The following WWOX variants were observed in gnomAD, a reference collection of about 807,000 sequenced individuals.
WWOX encodes the protein WW domain-containing oxidoreductase.
A neutral mutation model predicts 46.2 loss-of-function variants in WWOX; 69 were observed. The observed-to-expected ratio is 1.49, with a 90% CI of 1.23 to 1.82. The LOEUF (loss-of-function observed/expected upper bound fraction) is 1.82. WWOX is among the 40% of genes most tolerant of loss of function. The probability of loss-of-function intolerance (pLI) is 0.00; values close to 1 mark genes in which losing one functional copy is unlikely to be tolerated. For missense variants in WWOX, 919 were observed against 542.6 expected (o/e 1.69, Z -6.89); for synonymous variants, 359 against 202.6 (o/e 1.77, Z -6.56).
chr16:78,699,628 C>A (rs900531410), intron 8 of WWOX, among the ~76,000 whole-genome samples: 15 of 152,116 alleles, frequency 9.9e-5, no homozygotes, highest in Non-Finnish European at 1.9e-4. Flanking sequence ...TTTGGTTAAT[C>A]AATGATTATC....
chr16:78,291,469 A>G lies in WWOX; in HGVS notation c.517-95391A>G, dbSNP rs1445816613. ...TGAACTAAGTTATGTTTCTGTCGTT[A>G]TAACTGAGCTGGCTGGCGGCTGCCA... On this transcript the variant is annotated intron_variant, in intron 5 of 8. Transcript: ENST00000566780. Among the ~76,000 whole-genome samples, 3 of 152,212 alleles carry G rather than the reference A, an allele frequency of 2.0e-5. No homozygotes were observed. The East Asian group carries it at 5.8e-4, about 29-fold the overall frequency.
chr16:79,110,412 C>A (rs750238499), intron 8 of WWOX, among the ~76,000 whole-genome samples: 1 of 152,116 alleles, frequency 6.6e-6, no homozygotes, highest in Non-Finnish European at 1.5e-5. Context: ...GAGCTCTGAG[C>A]CCAAGGAGCA....
chr16:78,985,157 G>C (rs2046760390), intron 8 of WWOX, among the ~76,000 whole-genome samples: 2 of 152,218 alleles, frequency 1.3e-5, no homozygotes, highest in Admixed American at 6.5e-5. Flanking sequence ...CCCAGCAGCA[G>C]AGGCTGCCAT....
chr16:78,430,601 T>G (rs181212692), intron 7 of WWOX, among the ~76,000 whole-genome samples: 1 of 152,126 alleles, frequency 6.6e-6, no homozygotes, highest in Non-Finnish European at 1.5e-5. Flanking sequence ...GGCCGTCATA[T>G]ATTTTCAAAT....
chr16:78,197,070 C>A (rs7197976), intron 5 of WWOX, among the ~76,000 whole-genome samples: 1 of 152,204 alleles, frequency 6.6e-6, no homozygotes, highest in Non-Finnish European at 1.5e-5. Context: ...TGAGAGCCAG[C>A]TCTGCACCAG....
chr16:78,437,707 G>C (rs1046067960), intron 8 of WWOX, among the ~76,000 whole-genome samples: 6 of 152,144 alleles, frequency 3.9e-5, no homozygotes, highest in African/African-American at 9.7e-5. Flanking sequence ...TTATTTTTAA[G>C]TGTCGTTCTA....
chr16:78,404,958 A>T (rs570333822), intron 6 of WWOX, among the ~76,000 whole-genome samples: 1 of 152,198 alleles, frequency 6.6e-6, no homozygotes, highest in Non-Finnish European at 1.5e-5. Context: ...TTGGGGCACA[A>T]TTATCAAATG....
chr16:78,192,230 C>G (rs930807760), intron 5 of WWOX, among the ~76,000 whole-genome samples: 4 of 152,088 alleles, frequency 2.6e-5, no homozygotes, highest in African/African-American at 9.7e-5. Flanking sequence ...TACGGTGGCT[C>G]ATGCCTGTAA....
chr16:78,374,611 C>A (rs1037651987), intron 5 of WWOX, among the ~76,000 whole-genome samples: 1 of 137,340 alleles, frequency 7.3e-6, no homozygotes, highest in African/African-American at 2.8e-5. Context: ...TGCAGTGGCG[C>A]GATCTTGGCT....
At chr16:78,423,096 A>G (rs1051016203) in intron 6 of WWOX, among the ~76,000 whole-genome samples, 2 of 151,700 alleles carry the variant, frequency 1.3e-5, no homozygotes, top group African/African-American at 4.8e-5. Flanking sequence ...CATGTTGGTC[A>G]GGCTGGTCTT....
intron 8 of WWOX, among the ~76,000 whole-genome samples, chr16:78,942,942 T>C (rs1285059593): frequency 2.6e-5 from 4 of 152,178 alleles, no homozygotes; most frequent in African/African-American, 9.7e-5. Flanking sequence ...AAATAAGATA[T>C]TCATTTGCAA....
intron 8 of WWOX, among the ~76,000 whole-genome samples, chr16:78,631,602 G>A (rs143215078): frequency 1.3e-5 from 2 of 148,448 alleles, no homozygotes; most frequent in African/African-American, 4.9e-5. Context: ...ACAGTGGCAC[G>A]ATTTTGGCTC....
chr16:78,625,196 G>A (rs551245536), intron 8 of WWOX, among the ~76,000 whole-genome samples: 2 of 152,178 alleles, frequency 1.3e-5, no homozygotes, highest in East Asian at 1.9e-4. Context: ...GCTTCATGAG[G>A]ACAGCTGCAG....
chr16:78,187,994 A>G (rs1170242507), intron 5 of WWOX, among the ~76,000 whole-genome samples: 2 of 152,208 alleles, frequency 1.3e-5, no homozygotes, highest in African/African-American at 4.8e-5. Flanking sequence ...TTACTATAAC[A>G]TCACTTCATT....
At chr16:78,711,281 T>C (rs149499686) in intron 8 of WWOX, among the ~76,000 whole-genome samples, 3 of 152,316 alleles carry the variant, frequency 2.0e-5, no homozygotes, top group African/African-American at 4.8e-5. Flanking sequence ...TTAAAAAATA[T>C]CACTTTCCCT....
At chr16:78,572,554 G>A (rs1242284211) in intron 8 of WWOX, among the ~76,000 whole-genome samples, 2 of 122,664 alleles carry the variant, frequency 1.6e-5, no homozygotes, top group Non-Finnish European at 3.2e-5. Context: ...AGTGAGCCAT[G>A]ATTGTACCAC....
intron 8 of WWOX, among the ~76,000 whole-genome samples, chr16:79,179,773 A>G (rs1436740684): frequency 1.3e-5 from 2 of 152,212 alleles, no homozygotes; most frequent in African/African-American, 4.8e-5. Context: ...CTCAACCTTG[A>G]ATCCCTTAAC....
intron 5 of WWOX, among the ~76,000 whole-genome samples, chr16:78,340,184 T>C (rs1165652170): frequency 9.0e-6 from 1 of 111,224 alleles, no homozygotes; most frequent in Non-Finnish European, 2.1e-5. Context: ...CTTTTGGTAA[T>C]TGTGTTTGAT....
intron 8 of WWOX, among the ~76,000 whole-genome samples, chr16:79,069,654 A>T (rs1435655515): frequency 6.6e-6 from 1 of 152,126 alleles, no homozygotes; most frequent in Non-Finnish European, 1.5e-5. Context: ...CTGAAAAAAA[A>T]TAAAGAAAAC....
Sources: gnomAD v4.1 joint callset for allele counts (sites outside exome capture counted in the v4.1 genomes callset) on GRCh38, gnomAD v4.1.1 for gene constraint, MANE v1.5 for transcripts, NCBI Gene and HGNC (gene_info 2026-07-23, HGNC 2026-07-21) for gene names.